Variants in MTHFD2L observed in about 807,000 individuals in gnomAD.
MTHFD2L encodes bifunctional methylenetetrahydrofolate dehydrogenase/cyclohydrolase 2, mitochondrial.
A neutral mutation model predicts 34.9 loss-of-function variants in MTHFD2L; 29 were observed. That is an observed-to-expected ratio of 0.83 (90% confidence interval 0.62 to 1.13). MTHFD2L has a LOEUF of 1.13. Among genes scored for constraint, MTHFD2L ranks in the 50% most tolerant of loss-of-function variants. MTHFD2L has a pLI of 0.00. For missense variants in MTHFD2L, 481 were observed against 446.5 expected, an observed-to-expected ratio of 1.08 and a Z score of -0.70; for synonymous variants, 167 against 155.7, an observed-to-expected ratio of 1.07 and a Z score of -0.54.
intron 6 of MTHFD2L, among the ~76,000 whole-genome samples, chr4:74,244,139 A>G (rs1742093281): frequency 6.6e-6 from 1 of 152,168 alleles, no homozygotes; most frequent in African/African-American, 2.4e-5. Context: ...TCTGATCAGA[A>G]AGATAGATGA....
intron 5 of MTHFD2L, among the ~76,000 whole-genome samples, chr4:74,207,147 G>A (rs1735479766): frequency 6.6e-6 from 1 of 152,054 alleles, no homozygotes; most frequent in Non-Finnish European, 1.5e-5. Flanking sequence ...CAATCTGCCT[G>A]CCTCCACCTC....
chr4:74,150,480 C>T (rs1456302909), intron 1 of MTHFD2L, among the ~76,000 whole-genome samples: 9 of 152,198 alleles, frequency 5.9e-5, no homozygotes, highest in Non-Finnish European at 1.5e-5. Flanking sequence ...TCTCAAACTG[C>T]CGACCTCGGG....
chr4:74,294,932 C>T (rs924124183), intron 7 of MTHFD2L, among the ~76,000 whole-genome samples: 5 of 152,062 alleles, frequency 3.3e-5, no homozygotes, highest in African/African-American at 4.8e-5. Flanking sequence ...TAATGATTTA[C>T]TGGGATGCAA....
chr4:74,134,337 G>A (rs898867372), intron 1 of MTHFD2L, among the ~76,000 whole-genome samples: 4 of 152,136 alleles, frequency 2.6e-5, no homozygotes, highest in African/African-American at 9.7e-5. Flanking sequence ...ACCCGTGGCC[G>A]GCCTTCCCAC....
intron 1 of MTHFD2L, among the ~76,000 whole-genome samples, chr4:74,164,524 G>A (rs919026554): frequency 6.6e-6 from 1 of 152,186 alleles, no homozygotes; most frequent in Non-Finnish European, 1.5e-5. Flanking sequence ...AATGTTTCTG[G>A]TTATCGAAAT....
At chr4:74,220,069 G>A (rs1009179829) in intron 5 of MTHFD2L, among the ~76,000 whole-genome samples, 31 of 142,582 alleles carry the variant, frequency 2.2e-4, no homozygotes, top group African/African-American at 7.8e-4. Context: ...GAAATGGGAA[G>A]TTTCAGTTTC....
chr4:74,289,537 G>A (rs1748621734), intron 7 of MTHFD2L, among the ~76,000 whole-genome samples: 1 of 152,154 alleles, frequency 6.6e-6, no homozygotes, highest in Non-Finnish European at 1.5e-5. Flanking sequence ...GAGGATGTGG[G>A]GCAAAGAAAT....
At chr4:74,133,608 A>T (rs1722704523) in intron 1 of MTHFD2L, among the ~76,000 whole-genome samples, 1 of 152,038 alleles carries the variant, frequency 6.6e-6, no homozygotes, top group East Asian at 1.9e-4. Context: ...GATCCTCTAA[A>T]GAGTGTTTCA....
At chr4:74,274,371 T>C (rs1746356141) in intron 6 of MTHFD2L, among the ~76,000 whole-genome samples, 1 of 152,152 alleles carries the variant, frequency 6.6e-6, no homozygotes, top group African/African-American at 2.4e-5. Context: ...ATAAATGCAG[T>C]TCATGGGGAA....
chr4:74,171,398 A>G (rs1727952646), intron 1 of MTHFD2L, among the ~76,000 whole-genome samples: 1 of 152,250 alleles, frequency 6.6e-6, no homozygotes, highest in South Asian at 2.1e-4. Flanking sequence ...GTTTGAAGGA[A>G]TGCAAAGTTG....
At chr4:74,190,925 G>C (rs1230231242) in intron 3 of MTHFD2L, among the ~76,000 whole-genome samples, 1 of 152,120 alleles carries the variant, frequency 6.6e-6, no homozygotes, top group East Asian at 1.9e-4. Flanking sequence ...TTTTGAGACA[G>C]AGTCTCGCTG....
upstream of MTHFD2L, among the ~76,000 whole-genome samples, chr4:74,124,991 T>C (rs981773751): frequency 6.6e-6 from 1 of 152,116 alleles, no homozygotes; most frequent in African/African-American, 2.4e-5. Context: ...TGACATCTGG[T>C]TAGTTTTAGC....
chr4:74,166,510 T>C (rs1045325673), intron 1 of MTHFD2L, among the ~76,000 whole-genome samples: 1 of 152,262 alleles, frequency 6.6e-6, no homozygotes, highest in African/African-American at 2.4e-5. Context: ...TTGTAAGCTT[T>C]GGTTTCACTG....
intron 5 of MTHFD2L, among the ~76,000 whole-genome samples, chr4:74,223,212 TGTG>T (rs1221908298): frequency 4.0e-5 from 6 of 151,542 alleles, no homozygotes; most frequent in Non-Finnish European, 7.4e-5. Context: ...ATAAAGAAAA[TGTG>T]GTGTGTGTGT....
chr4:74,175,250 A>G (rs374369928), intron 2 of MTHFD2L, 31 bp from the exon 3 acceptor site: 11 of 1,605,432 alleles, frequency 6.9e-6, no homozygotes, highest in Non-Finnish European at 9.4e-6. Flanking sequence ...TCAGTTAGTC[A>G]AGTGACCTTC....
chr4:74,284,379 G>T (rs1747876552), intron 7 of MTHFD2L, among the ~76,000 whole-genome samples: 1 of 152,146 alleles, frequency 6.6e-6, no homozygotes, highest in Admixed American at 6.6e-5. Context: ...CTTCTAACTG[G>T]TGTGAGATGG....
At chr4:74,187,786 T>C (rs1579708) in intron 3 of MTHFD2L, among the ~76,000 whole-genome samples, 145,899 of 147,694 alleles carry the variant, frequency 0.99, 72,076 homozygotes, top group Middle Eastern at 1. Context: ...CCAGCCATTC[T>C]GTGCCTGTGT....
chr4:74,138,352 A>AT (rs1723077215), intron 1 of MTHFD2L, among the ~76,000 whole-genome samples: 1 of 152,076 alleles, frequency 6.6e-6, no homozygotes, highest in African/African-American at 2.4e-5. Flanking sequence ...AGCTCCCAAG[A>AT]TGGGGGCGGG....
chr4:74,234,922 A>G (rs1361603680), intron 6 of MTHFD2L, among the ~76,000 whole-genome samples: 1 of 152,130 alleles, frequency 6.6e-6, no homozygotes, highest in Non-Finnish European at 1.5e-5. Context: ...TCTGAAAAGT[A>G]CATGAATGAG....
Sources: allele counts gnomAD v4.1 joint callset (sites outside exome capture counted in the v4.1 genomes callset), GRCh38; gene constraint gnomAD v4.1.1; transcripts MANE v1.5; gene names NCBI Gene and HGNC (gene_info 2026-07-23, HGNC 2026-07-21).